Variants in SGPP2 observed in about 807,000 individuals in gnomAD.
SGPP2 encodes sphingosine-1-phosphate phosphatase 2, also known as sphingosine 1-phosphate phosphohydrolase 2.
A neutral mutation model predicts 33.9 loss-of-function variants in SGPP2; 30 were observed. The ratio of observed to expected loss-of-function variants is 0.89; its 90% CI spans 0.66 to 1.20. SGPP2 has a LOEUF of 1.20. Ranked by LOEUF, SGPP2 falls within the 50% of genes most tolerant of loss-of-function variation. The pLI is 0.00. For synonymous variants in SGPP2, 233 were observed against 225.0 expected, an observed-to-expected ratio of 1.04 and a Z score of -0.32; for missense variants, 458 against 532.1, an observed-to-expected ratio of 0.86 and a Z score of 1.37.
chr2:222,424,265 G>A (rs1344363859), upstream of SGPP2, among the ~76,000 whole-genome samples: 12 of 151,590 alleles, frequency 7.9e-5, no homozygotes, highest in South Asian at 6.2e-4. Context: ...GGGGGAAGAA[G>A]GTGGGGTGGG....
At chr2:222,427,087 T>C (rs1697082106) in intron 1 of SGPP2, among the ~76,000 whole-genome samples, 1 of 152,232 alleles carries the variant, frequency 6.6e-6, no homozygotes, top group Non-Finnish European at 1.5e-5. Flanking sequence ...GTTGTTTAAA[T>C]GTGCCTTTGT....
chr2:222,528,995 T>A (rs1270563016), intron 4 of SGPP2, among the ~76,000 whole-genome samples: 4 of 152,224 alleles, frequency 2.6e-5, no homozygotes, highest in Admixed American at 1.3e-4. Flanking sequence ...AGAATGCCAA[T>A]GCTGTTTTTT....
chr2:222,453,085 C>T, intron 1 of SGPP2: 1 of 1,084,702 alleles, frequency 9.2e-7, no homozygotes. Flanking sequence ...GGGTTGTTTG[C>T]CTTTGGGACT....
intron 1 of SGPP2, among the ~76,000 whole-genome samples, chr2:222,450,299 G>A (rs1266489876): frequency 6.6e-6 from 1 of 152,202 alleles, no homozygotes; most frequent in African/African-American, 2.4e-5. Flanking sequence ...TAAAGAGTCT[G>A]CCCTTCCTGG....
chr2:222,512,156 C>T (rs913542570), intron 2 of SGPP2, among the ~76,000 whole-genome samples: 10 of 151,924 alleles, frequency 6.6e-5, no homozygotes, highest in Non-Finnish European at 1.5e-4. Flanking sequence ...GAACTACAGG[C>T]GCCCGCCACC....
intron 1 of SGPP2, among the ~76,000 whole-genome samples, chr2:222,473,924 C>CAAAAAAAAAAAAAAAAA (rs59649395): frequency 7.8e-6 from 1 of 127,452 alleles, no homozygotes; most frequent in Non-Finnish European, 1.6e-5. Context: ...AACTCTGTCT[C>CAAAAAAAAAAAAAAAAA]AAAAAAAAAA....
Position 222,558,805 on chromosome 2 carries a change from T to A in SGPP2, c.1107T>A (p.Ile369=). 1 of 1,614,174 alleles carries A rather than the reference T, an allele frequency of 6.2e-7. No homozygotes were observed. The highest frequency in any genetic ancestry group is 8.5e-7 in the Non-Finnish European group (1 of 1,180,022). Residue 369 remains isoleucine, a synonymous_variant, in exon 5 of 5, where the codon ATT becomes ATA. Coordinates refer to ENST00000321276, the MANE Select transcript of SGPP2 (RefSeq NM_152386.4). ...AGGAGGCCAGGCGGAGACTGGAGAT[T>A]GAAGTGCCTTACAAGTTTGTTACCT... The part of the protein sequence containing the change: ...RNKEARRRLE[I]EVPYKFVTYT...
intron 1 of SGPP2, among the ~76,000 whole-genome samples, chr2:222,453,492 G>A (rs1355076782): frequency 6.6e-6 from 1 of 152,012 alleles, no homozygotes; most frequent in African/African-American, 2.4e-5. Flanking sequence ...GTCAATGACA[G>A]ATTTTCTTCC....
intron 2 of SGPP2, among the ~76,000 whole-genome samples, chr2:222,510,242 G>A (rs934132320): frequency 1.1e-4 from 16 of 152,322 alleles, no homozygotes; most frequent in Admixed American, 2.6e-4. Context: ...GATACACCTA[G>A]GAGTGGAATG....
rs762914434 is a variant in SGPP2, at chr2:222,474,726, TGTAA to T, written c.378+4_378+7del. 3 of 1,611,144 alleles carry T rather than the reference TGTAA, an allele frequency of 1.9e-6. No individual in the cohort carries two copies. The highest frequency in any genetic ancestry group is 2.2e-5 in the East Asian group (1 of 44,852). ...CCAGAAGATTGATCATCATATGGGT[TGTAA>T]GTATTATTACTACTCATTAACTGAT... On this transcript the variant is annotated splice_donor_variant and splice_donor_region_variant and intron_variant, in intron 2 of 4. Transcript: ENST00000321276. LOFTEE classifies it high-confidence loss of function.
intron 4 of SGPP2, among the ~76,000 whole-genome samples, chr2:222,526,107 C>A (rs1216665358): frequency 6.6e-6 from 1 of 152,156 alleles, no homozygotes; most frequent in Admixed American, 6.5e-5. Flanking sequence ...AAGAGGCAGG[C>A]AAGTCTCCAA....
At chr2:222,523,039 T>C (rs973467271) in intron 3 of SGPP2, among the ~76,000 whole-genome samples, 3 of 152,166 alleles carry the variant, frequency 2.0e-5, no homozygotes, top group East Asian at 3.9e-4. Context: ...AATAGCAGTA[T>C]TGTTTAGCCC....
At position 222,435,056 on chromosome 2, in the gene SGPP2, A is replaced by T. The variant is rs939104581; in HGVS notation, c.219+10235A>T. Among the ~76,000 whole-genome samples, 3 of 151,282 alleles carry T rather than the reference A, an allele frequency of 2.0e-5. No individual in the cohort carries two copies. The East Asian group carries it at 5.8e-4, about 29-fold the overall frequency. On this transcript the variant is annotated intron_variant, in intron 1 of 4. Coordinates refer to ENST00000321276, the MANE Select transcript of SGPP2 (RefSeq NM_152386.4). ...TATATATGTGTATATATATACACAC[A>T]TATACACATATACATATATATATAC...
chr2:222,479,557 C>A (rs941118005), intron 2 of SGPP2, among the ~76,000 whole-genome samples: 2 of 151,804 alleles, frequency 1.3e-5, no homozygotes, highest in African/African-American at 2.4e-5. Context: ...CGCCCACCCC[C>A]ACGCCCGGCT....
At chr2:222,525,942 T>C (rs1698751636) in intron 4 of SGPP2, among the ~76,000 whole-genome samples, 1 of 151,918 alleles carries the variant, frequency 6.6e-6, no homozygotes, top group African/African-American at 2.4e-5. Flanking sequence ...AGCGAACAGA[T>C]TGGGGAGATC....
chr2:222,475,939 C>T (rs2106097399), intron 2 of SGPP2, among the ~76,000 whole-genome samples: 1 of 152,298 alleles, frequency 6.6e-6, no homozygotes, highest in East Asian at 1.9e-4. Flanking sequence ...AGAGTGTGCA[C>T]AGAGCTCTAG....
intron 2 of SGPP2, among the ~76,000 whole-genome samples, chr2:222,500,506 C>T (rs561461026): frequency 2.3e-4 from 35 of 152,300 alleles, no homozygotes; most frequent in Non-Finnish European, 3.4e-4. Context: ...ACCCTGCTGA[C>T]GGTCACCGTG....
chr2:222,529,828 A>G (rs1260844457), intron 4 of SGPP2, among the ~76,000 whole-genome samples: 1 of 152,192 alleles, frequency 6.6e-6, no homozygotes, highest in Admixed American at 6.5e-5. Flanking sequence ...GAAGATTTTC[A>G]ATTTACTTTG....
intron 2 of SGPP2, among the ~76,000 whole-genome samples, chr2:222,481,200 A>G (rs1410966047): frequency 1.3e-5 from 2 of 152,196 alleles, no homozygotes; most frequent in Non-Finnish European, 1.5e-5. Flanking sequence ...ATGTCTACCT[A>G]TGCAACAAAC....
Sources: allele counts gnomAD v4.1 joint callset (sites outside exome capture counted in the v4.1 genomes callset), GRCh38; gene constraint gnomAD v4.1.1; transcripts MANE v1.5; gene names NCBI Gene and HGNC (gene_info 2026-07-23, HGNC 2026-07-21).